Variants in MPP4 observed in about 807,000 individuals in gnomAD.
The protein encoded by MPP4 is MAGUK p55 scaffold protein 4.
In MPP4, 91 loss-of-function variants were observed where a neutral mutation model predicts 98.3. The observed-to-expected ratio is 0.93, with a 90% confidence interval of 0.78 to 1.10. The LOEUF is 1.10. Among genes scored for constraint, MPP4 ranks in the 50% least tolerant of loss-of-function variants. The probability of loss-of-function intolerance (pLI) is 0.00; values close to 1 mark genes in which losing one functional copy is unlikely to be tolerated. For missense variants in MPP4, 744 were observed against 792.9 expected (o/e 0.94, Z 0.74); for synonymous variants, 261 against 271.8 (o/e 0.96, Z 0.39).
chr2:201,684,143 C>T (rs1275993689), intron 7 of MPP4, among the ~76,000 whole-genome samples: 1 of 151,406 alleles, frequency 6.6e-6, no homozygotes, highest in African/African-American at 2.4e-5. Flanking sequence ...TGCTTGAGCC[C>T]AGGAAGTTGA....
Position 201,656,316 on chromosome 2 carries a change from C to G in MPP4, c.1182G>C (p.Pro394=), listed in dbSNP as rs1355208852. 1 of 1,562,392 alleles carries G rather than the reference C, an allele frequency of 6.4e-7. No homozygotes were observed. Among genetic ancestry groups the G allele is most frequent in the Non-Finnish European group, 8.7e-7 (1 of 1,152,856 alleles). Reference sequence around the variant, plus strand: ...CGGTGCAGCACACACTGGCATGCAGCGGGCTGAGGTGAGACTTCCTGCGAC... The same window carrying G: ...CGGTGCAGCACACACTGGCATGCAGGGGGCTGAGGTGAGACTTCCTGCGAC... ...RLCRRKSHLS[P]LHASVCCTGS... Residue 394 remains proline, a synonymous_variant, in exon 17 of 22, where the codon CCG becomes CCC. Coordinates refer to ENST00000409474, the MANE Select transcript of MPP4 (RefSeq NM_033066.3).
intron 16 of MPP4, among the ~76,000 whole-genome samples, chr2:201,657,590 G>GTTTTTTTTGTTTTTTTTTTTTTTTT (rs1687884945): frequency 1.1e-5 from 1 of 91,124 alleles, no homozygotes. Flanking sequence ...CCTGGCCCTT[G>GTTTTTTTTGTTTTTTTTTTTTTTTT]TTTTTTTTTT....
chr2:201,659,011 T>A (rs1287903620), intron 15 of MPP4, among the ~76,000 whole-genome samples: 2 of 152,152 alleles, frequency 1.3e-5, no homozygotes, highest in Non-Finnish European at 2.9e-5. Context: ...TTCTCCTGCC[T>A]CAGCCTCCCG....
At chr2:201,647,887 G>A (rs1687609715) in intron 20 of MPP4, 62 bp from the exon 21 acceptor site, 3 of 1,497,476 alleles carry the variant, frequency 2.0e-6, no homozygotes, top group South Asian at 2.5e-5. Context: ...ACATGGTCTT[G>A]CTCTGTCACC....
chr2:201,682,982 C>T, intron 7 of MPP4, 66 bp from the exon 8 acceptor site: 2 of 1,183,612 alleles, frequency 1.7e-6, no homozygotes, highest in Non-Finnish European at 2.5e-6. Context: ...GCAGTAGCTA[C>T]CTCGATAGCT....
intron 7 of MPP4, 23 bp downstream of exon 7, chr2:201,685,041 C>T: frequency 6.2e-7 from 1 of 1,602,412 alleles, no homozygotes; most frequent in Non-Finnish European, 8.5e-7. Context: ...TGGTAACTCT[C>T]AATCCCAGCT....
intron 6 of MPP4, 34 bp from the exon 7 acceptor site, chr2:201,685,179 C>G: frequency 6.4e-7 from 1 of 1,555,988 alleles, no homozygotes; most frequent in South Asian, 1.2e-5. Context: ...CCTCTGTTAC[C>G]TGACATGACC....
intron 3 of MPP4, among the ~76,000 whole-genome samples, chr2:201,691,813 T>A (rs1277037000): frequency 6.6e-6 from 1 of 152,084 alleles, no homozygotes; most frequent in Non-Finnish European, 1.5e-5. Context: ...ACCATCACAC[T>A]GGGCCAGAAG....
intron 4 of MPP4, among the ~76,000 whole-genome samples, chr2:201,687,993 C>T (rs1055855925): frequency 1.3e-5 from 2 of 152,220 alleles, no homozygotes; most frequent in Non-Finnish European, 2.9e-5. Context: ...AGCCCCATTA[C>T]CTACAGTCAA....
At chr2:201,689,558 GTGGTGAGATCCTGGATATATTT>G (rs757972899) in intron 4 of MPP4, among the ~76,000 whole-genome samples, 7 of 152,108 alleles carry the variant, frequency 4.6e-5, no homozygotes, top group Admixed American at 1.3e-4. Flanking sequence ...ATGGTATGGG[GTGGTGAGATCCTGGATATATTT>G]TGGTGAGATC....
At chr2:201,681,442 G>A in intron 9 of MPP4, 54 bp downstream of exon 9, 1 of 1,348,726 alleles carries the variant, frequency 7.4e-7, no homozygotes, top group South Asian at 1.2e-5. Flanking sequence ...ATATTTAGTT[G>A]CTGTTACTTG....
In MPP4 at chr2:201,694,663, T is replaced by C. The variant is rs1404672109; in HGVS notation, c.-100-609A>G. 3.1e-5 allele frequency among the ~76,000 whole-genome samples: 4 copies of C among 129,738 alleles called. No homozygotes were observed. The East Asian group carries it at 1.0e-3, about 34-fold the overall frequency. 85.1% of individuals were successfully genotyped at this position (129,738 alleles called of 152,430 possible). A position where few individuals can be genotyped will look rare whatever the true frequency, so the allele number is the denominator to read the frequency against. The stretch of plus-strand genomic sequence containing the variant: ...CAGGGTCTCACTCTGTTGCTTAGGC[T>C]GAAGTGTGGTGGCATGATCATGGCT... On this transcript the variant is annotated intron_variant, in intron 1 of 21. Coordinates refer to ENST00000409474, the MANE Select transcript of MPP4 (RefSeq NM_033066.3).
At chr2:201,659,888 C>T (rs1687976758) in intron 15 of MPP4, among the ~76,000 whole-genome samples, 2 of 152,132 alleles carry the variant, frequency 1.3e-5, no homozygotes, top group South Asian at 4.2e-4. Context: ...AATGAACTGA[C>T]ATATGCAACC....
chr2:201,685,001 G>T, intron 7 of MPP4, 63 bp downstream of exon 7: 2 of 1,255,860 alleles, frequency 1.6e-6, no homozygotes, highest in Non-Finnish European at 2.2e-6. Context: ...CTAGAAAGAA[G>T]CCTAAACAGT....
rs554045428 is a variant in MPP4, at chr2:201,660,362, A to T, written c.1073-16T>A. On this transcript the variant is annotated splice_polypyrimidine_tract_variant and intron_variant, in intron 14 of 21. Transcript: ENST00000409474. ...GAAAGTTCCTCTGGATATTTGGGTA[A>T]GTGCAGAAACAGACATGAAAAAGTT... 6.2e-7 allele frequency: 1 copy of T among 1,613,420 alleles called. No homozygotes were observed. Among genetic ancestry groups the T allele is most frequent in the South Asian group, 1.1e-5 (1 of 91,072 alleles).
At position 201,654,930 on chromosome 2, in the gene MPP4, A is replaced by C. The variant is rs780113448; in HGVS notation, c.1301-13T>G. 8.4e-6 allele frequency: 13 copies of C among 1,547,194 alleles called. No homozygotes were observed. Among genetic ancestry groups the C allele is most frequent in the Non-Finnish European group, 1.1e-5 (12 of 1,131,692 alleles). On this transcript the variant is annotated splice_polypyrimidine_tract_variant and intron_variant, in intron 17 of 21. Coordinates refer to ENST00000409474, the MANE Select transcript of MPP4 (RefSeq NM_033066.3). ...ACACCAGAGGGTCCTAAACACAAAAAGTCACACACAGAAATCATCAGATGT... is the reference window on the plus strand; with the variant it reads ...ACACCAGAGGGTCCTAAACACAAAACGTCACACACAGAAATCATCAGATGT...
Position 201,690,289 on chromosome 2 carries a change from G to T in MPP4, c.202-10C>A. ...GGAGGCAGTCATAAATCTGCAGAAGGACAAGGGAGGGAGAATTGATATTGA... is the reference window on the plus strand; with the variant it reads ...GGAGGCAGTCATAAATCTGCAGAAGTACAAGGGAGGGAGAATTGATATTGA... On this transcript the variant is annotated splice_polypyrimidine_tract_variant and intron_variant, in intron 3 of 21. Coordinates refer to ENST00000409474, the MANE Select transcript of MPP4 (RefSeq NM_033066.3). 6.4e-7 allele frequency: 1 copy of T among 1,572,228 alleles called. No individual in the cohort carries two copies. The highest frequency in any genetic ancestry group is 1.1e-5 in the South Asian group (1 of 87,302).
rs749982827 is a variant in MPP4 at position 201,675,275 on chromosome 2, TG to T, written c.930-5del. 8 of 1,605,744 alleles carry T rather than the reference TG, an allele frequency of 5.0e-6. No individual in the cohort carries two copies. Among genetic ancestry groups the T allele is most frequent in the East Asian group, 2.2e-5 (1 of 44,710 alleles). On this transcript the variant is annotated splice_region_variant and splice_polypyrimidine_tract_variant and intron_variant, in intron 10 of 21. Coordinates refer to ENST00000409474, the MANE Select transcript of MPP4 (RefSeq NM_033066.3). ...CCACCAGAATTCCCGTTGCTTCCTA[TG>T]GGGGGGAAAAAACCATGCGACAAAA...
intron 10 of MPP4, among the ~76,000 whole-genome samples, chr2:201,678,375 G>A (rs1031851073): frequency 2.6e-5 from 4 of 152,084 alleles, no homozygotes; most frequent in Non-Finnish European, 5.9e-5. Context: ...CACGCCCTCT[G>A]GAACCCACAG....
Sources: gnomAD v4.1 joint callset for allele counts (sites outside exome capture counted in the v4.1 genomes callset) on GRCh38, gnomAD v4.1.1 for gene constraint, MANE v1.5 for transcripts, NCBI Gene and HGNC (gene_info 2026-07-23, HGNC 2026-07-21) for gene names.